The following ATP8A2 variants were observed in gnomAD, a reference collection of about 807,000 sequenced individuals.
The protein encoded by ATP8A2 is phospholipid-transporting ATPase IB.
Under a neutral mutation model 165.6 loss-of-function variants are expected in ATP8A2, and 100 were observed. The observed-to-expected ratio is 0.60, with a 90% CI of 0.51 to 0.71. ATP8A2 has a LOEUF of 0.71. Among genes scored for constraint, ATP8A2 ranks in the 30% least tolerant of loss-of-function variants. ATP8A2 has a pLI of 0.00. For synonymous variants in ATP8A2, 543 were observed against 548.8 expected (o/e 0.99, Z 0.15); for missense variants, 1,227 against 1,479.5 (o/e 0.83, Z 2.80).
chr13:25,531,160 T>TATATATG (rs2038025242), intron 4 of ATP8A2, among the ~76,000 whole-genome samples: 3 of 141,784 alleles, frequency 2.1e-5, no homozygotes, highest in Non-Finnish European at 3.1e-5. Context: ...ATATATATGA[T>TATATATG]ATATATGTTA....
intron 15 of ATP8A2, among the ~76,000 whole-genome samples, chr13:25,561,322 T>G (rs897908798): frequency 1.1e-4 from 17 of 152,186 alleles, no homozygotes; most frequent in African/African-American, 4.1e-4. Flanking sequence ...TTGAATCTCT[T>G]GGGTTGATCC....
At chr13:25,512,971 A>AG in intron 2 of ATP8A2, among the ~76,000 whole-genome samples, 1 of 96,208 alleles carries the variant, frequency 1.0e-5, no homozygotes, top group Admixed American at 1.1e-4. Context: ...TGACCCCCCC[A>AG]CCTCCCTCCC....
intron 24 of ATP8A2, among the ~76,000 whole-genome samples, chr13:25,595,592 A>T (rs1175607145): frequency 6.6e-6 from 1 of 152,232 alleles, no homozygotes; most frequent in Non-Finnish European, 1.5e-5. Context: ...TATTGGCAAC[A>T]TCAGAGTTGC....
intron 24 of ATP8A2, among the ~76,000 whole-genome samples, chr13:25,598,771 T>G (rs2040303334): frequency 6.6e-6 from 1 of 152,224 alleles, no homozygotes; most frequent in Non-Finnish European, 1.5e-5. Context: ...TTTTCTGTTA[T>G]TTTGCATGTC....
At chr13:25,906,892 T>C (rs1428047668) in intron 33 of ATP8A2, among the ~76,000 whole-genome samples, 1 of 152,042 alleles carries the variant, frequency 6.6e-6, no homozygotes, top group Non-Finnish European at 1.5e-5. Context: ...GTCAAACAGA[T>C]AGAAAAGACT....
chr13:25,433,805 G>A (rs1370064476), intron 1 of ATP8A2, among the ~76,000 whole-genome samples: 1 of 152,166 alleles, frequency 6.6e-6, no homozygotes, highest in Non-Finnish European at 1.5e-5. Context: ...CCATAAAACA[G>A]AATGAAATCA....
At chr13:25,449,833 A>G (rs1183375026) in intron 1 of ATP8A2, among the ~76,000 whole-genome samples, 1 of 151,960 alleles carries the variant, frequency 6.6e-6, no homozygotes, top group Non-Finnish European at 1.5e-5. Context: ...GTTTTTTTAA[A>G]CTTTTATTTT....
intron 1 of ATP8A2, among the ~76,000 whole-genome samples, chr13:25,415,279 C>T (rs2034100127): frequency 6.6e-6 from 1 of 152,296 alleles, no homozygotes; most frequent in South Asian, 2.1e-4. Flanking sequence ...TGGGGCAATG[C>T]TTGACTGCCC....
intron 33 of ATP8A2, among the ~76,000 whole-genome samples, chr13:25,916,473 G>C (rs1204883462): frequency 2.0e-5 from 3 of 152,348 alleles, no homozygotes; most frequent in African/African-American, 7.2e-5. Context: ...TTCACAGGTT[G>C]CTGTCTTGCA....
chr13:26,019,848 T>G, intron 36 of ATP8A2, 40 bp from the exon 37 acceptor site: 2 of 1,464,848 alleles, frequency 1.4e-6, no homozygotes, highest in Non-Finnish European at 1.9e-6. Flanking sequence ...CTCCCCCAAT[T>G]CTCCTGTTAA....
At chr13:25,951,379 C>A (rs76896668) in intron 33 of ATP8A2, among the ~76,000 whole-genome samples, 1 of 152,136 alleles carries the variant, frequency 6.6e-6, no homozygotes, top group African/African-American at 2.4e-5. Context: ...GTGAAAGAAG[C>A]CAGATTCAAC....
chr13:25,939,752 G>T (rs1566286595), intron 33 of ATP8A2, among the ~76,000 whole-genome samples: 2 of 152,258 alleles, frequency 1.3e-5, no homozygotes, highest in Admixed American at 6.5e-5. Context: ...AGCCATCCCT[G>T]GTTCGGCTGC....
intron 33 of ATP8A2, among the ~76,000 whole-genome samples, chr13:25,900,716 G>C (rs912176709): frequency 5.9e-5 from 9 of 152,122 alleles, no homozygotes; most frequent in Admixed American, 5.9e-4. Context: ...CAGTTGCTTG[G>C]GGGCTTAAGA....
intron 24 of ATP8A2, among the ~76,000 whole-genome samples, chr13:25,650,656 C>T (rs2041790336): frequency 6.6e-6 from 1 of 152,062 alleles, no homozygotes; most frequent in Admixed American, 6.5e-5. Flanking sequence ...AAGGATGATG[C>T]TTATTGTAGA....
chr13:25,575,257 C>A (rs1299743362), intron 19 of ATP8A2, among the ~76,000 whole-genome samples: 4 of 152,214 alleles, frequency 2.6e-5, no homozygotes, highest in African/African-American at 7.2e-5. Context: ...ATCTGAGAAA[C>A]TGACAAATGA....
At position 25,843,832 on chromosome 13, in the gene ATP8A2, A is replaced by G. The variant is rs1951799919; in HGVS notation, c.2956+4208A>G. Among the ~76,000 whole-genome samples, 4 of 152,184 alleles carry G rather than the reference A, an allele frequency of 2.6e-5. No individual in the cohort carries two copies. In the South Asian group the frequency reaches 6.2e-4, roughly 24 times the overall value. On this transcript the variant is annotated intron_variant, in intron 30 of 36. Coordinates refer to ENST00000381655, the MANE Select transcript of ATP8A2 (RefSeq NM_016529.6). ...ACAACCACCCCTAGTCAAGACGACT[A>G]CAGCATAGAGAGGAGGTAGGGGCTG...
At chr13:25,404,511 C>T (rs1474131967) in intron 1 of ATP8A2, among the ~76,000 whole-genome samples, 1 of 151,912 alleles carries the variant, frequency 6.6e-6, no homozygotes, top group Non-Finnish European at 1.5e-5. Flanking sequence ...GTGAGGAAAG[C>T]ATTCAAGGAG....
In ATP8A2 at chr13:26,022,343, T is replaced by C. The variant is rs1388082317; in HGVS notation, c.*2358T>C. On this transcript the variant is annotated 3_prime_UTR_variant, in exon 37 of 37. Transcript: ENST00000381655. ...GAATTCTTTGTCAAACAGTTAGCTC[T>C]GTCTTGAACTTGAAGCCTTCCAAAT... 1 of 152,258 alleles carries C rather than the reference T, an allele frequency of 6.6e-6. No individual in the cohort carries two copies. The highest frequency in any genetic ancestry group is 1.5e-5 in the Non-Finnish European group (1 of 68,038). The allele number at this position is 152,258 out of a possible 1,614,324, so 9.4% of individuals were successfully genotyped here.
At chr13:25,717,908 A>C (rs1351063133) in intron 25 of ATP8A2, among the ~76,000 whole-genome samples, 1 of 152,292 alleles carries the variant, frequency 6.6e-6, no homozygotes, top group Non-Finnish European at 1.5e-5. Flanking sequence ...TATCGATGGC[A>C]TTTTAATTTC....
Sources: allele counts gnomAD v4.1 joint callset (sites outside exome capture counted in the v4.1 genomes callset), GRCh38; gene constraint gnomAD v4.1.1; transcripts MANE v1.5; gene names NCBI Gene and HGNC (gene_info 2026-07-23, HGNC 2026-07-21).